Variants in SAMMSON observed in about 807,000 individuals in gnomAD.
SAMMSON encodes survival associated mitochondrial melanoma specific oncogenic non-coding RNA.
chr3:70,147,061 G>A (rs12489507), intron 4 of SAMMSON, among the ~76,000 whole-genome samples: 40,774 of 151,724 alleles, frequency 0.27, 5,758 homozygotes, highest in East Asian at 0.51. Flanking sequence ...AAAAATTACT[G>A]TTTATGATAG....
rs1420676333 is a variant in SAMMSON, at chr3:70,063,085, G to A, written n.418-8391G>A. Among the ~76,000 whole-genome samples the A allele has an allele frequency of 4.7e-5, 7 of 149,746 alleles. No individual in the cohort carries two copies. In the East Asian group the frequency reaches 1.2e-3, roughly 25 times the overall value. On this transcript the variant is annotated intron_variant and non_coding_transcript_variant, in intron 3 of 9. Transcript: ENST00000642114. ...AGGGACCCTCTTCCTTCTGTCACCAGCCCCCCCCACCCCCGCCGCATTGAC... is the reference window on the plus strand; with the variant it reads ...AGGGACCCTCTTCCTTCTGTCACCAACCCCCCCCACCCCCGCCGCATTGAC...
chr3:70,274,056 C>CGTGTGTGTGTGTGT (rs111792704), intron 6 of SAMMSON, among the ~76,000 whole-genome samples: 204 of 142,936 alleles, frequency 1.4e-3, no homozygotes, highest in Non-Finnish European at 2.4e-3. Flanking sequence ...ATTAAACCTC[C>CGTGTGTGTGTGTGT]GTGTGTGTGT....
chr3:70,405,368 A>G (rs967249126), intron 2 of SAMMSON, among the ~76,000 whole-genome samples: 2 of 152,238 alleles, frequency 1.3e-5, no homozygotes, highest in African/African-American at 4.8e-5. Context: ...TGAAATATCT[A>G]ATCACAAATT....
chr3:70,164,119 T>C (rs1164942225), intron 4 of SAMMSON, among the ~76,000 whole-genome samples: 2 of 152,074 alleles, frequency 1.3e-5, no homozygotes, highest in African/African-American at 2.4e-5. Flanking sequence ...GCCTAGTTTT[T>C]ATTATTACCA....
intron 6 of SAMMSON, among the ~76,000 whole-genome samples, chr3:70,262,009 T>C (rs1701871333): frequency 6.6e-6 from 1 of 152,158 alleles, no homozygotes; most frequent in African/African-American, 2.4e-5. Flanking sequence ...GAGTTTGATC[T>C]AACCCCAGAT....
chr3:70,290,035 C>T (rs988738754), intron 6 of SAMMSON, among the ~76,000 whole-genome samples: 5 of 151,710 alleles, frequency 3.3e-5, no homozygotes, highest in South Asian at 2.1e-4. Context: ...GTAATTTGAT[C>T]GTCTGAAGCC....
At chr3:70,263,880 C>T (rs1047759878) in intron 6 of SAMMSON, among the ~76,000 whole-genome samples, 1 of 152,072 alleles carries the variant, frequency 6.6e-6, no homozygotes, top group Admixed American at 6.6e-5. Context: ...TCCTTTCTCT[C>T]GGGGTTCACA....
chr3:70,334,808 A>G (rs779046579), intron 7 of SAMMSON, among the ~76,000 whole-genome samples: 19 of 152,136 alleles, frequency 1.2e-4, no homozygotes, highest in Admixed American at 2.6e-4. Context: ...CTTAACTACT[A>G]TACTGAACTA....
intron 9 of SAMMSON, among the ~76,000 whole-genome samples, chr3:70,388,598 A>G (rs1361048559): frequency 6.6e-6 from 1 of 152,162 alleles, no homozygotes; most frequent in Non-Finnish European, 1.5e-5. Context: ...AAGGACAGCC[A>G]TATGACTCAG....
intron 4 of SAMMSON, among the ~76,000 whole-genome samples, chr3:70,219,135 T>A (rs1701440014): frequency 6.6e-6 from 1 of 152,196 alleles, no homozygotes. Context: ...ATCACAGTCC[T>A]TGAAACAGCC....
chr3:70,070,585 G>T (rs2067225876), intron 3 of SAMMSON, among the ~76,000 whole-genome samples: 2 of 150,970 alleles, frequency 1.3e-5, no homozygotes, highest in South Asian at 4.2e-4. Context: ...GTAGAAAAAG[G>T]TTGCTAAAAA....
chr3:70,228,741 C>CTT (rs74503205), intron 4 of SAMMSON, among the ~76,000 whole-genome samples: 1 of 133,546 alleles, frequency 7.5e-6, no homozygotes, highest in African/African-American at 2.7e-5. Flanking sequence ...TTTCATGAAT[C>CTT]TTTTTTTTTT....
intron 4 of SAMMSON, among the ~76,000 whole-genome samples, chr3:70,197,868 C>T (rs979881672): frequency 3.4e-5 from 5 of 147,848 alleles, no homozygotes; most frequent in Non-Finnish European, 7.4e-5. Context: ...TCTTATCAAT[C>T]CTCTTTAAGA....
chr3:70,264,446 A>C lies in SAMMSON; in HGVS notation n.674+14776A>C, dbSNP rs1701897442. Among the ~76,000 whole-genome samples, 7 of 152,362 alleles carry C rather than the reference A, an allele frequency of 4.6e-5. No homozygotes were observed. In the South Asian group the frequency reaches 1.5e-3, roughly 32 times the overall value. ...CTAAGAACTGAATATCGGCTTGCTAATTAACAGATCACAAGGATCAATGTG... is the reference window on the plus strand; with the variant it reads ...CTAAGAACTGAATATCGGCTTGCTACTTAACAGATCACAAGGATCAATGTG... On this transcript the variant is annotated intron_variant and non_coding_transcript_variant, in intron 6 of 9. Transcript: ENST00000642114.
chr3:70,144,550 C>T (rs1010197013), intron 4 of SAMMSON, among the ~76,000 whole-genome samples: 1 of 152,068 alleles, frequency 6.6e-6, no homozygotes. Context: ...AAATGTCCTC[C>T]GAAATATACT....
intron 3 of SAMMSON, among the ~76,000 whole-genome samples, chr3:70,038,188 T>A (rs1431395295): frequency 6.6e-6 from 1 of 152,172 alleles, no homozygotes; most frequent in Non-Finnish European, 1.5e-5. Context: ...TGTTGTGTGA[T>A]AGGGTATAAT....
At position 70,180,884 on chromosome 3, in the gene SAMMSON, G is replaced by A. The variant is rs143471512; in HGVS notation, n.508-68223G>A. 2.6e-5 allele frequency among the ~76,000 whole-genome samples: 4 copies of A among 152,160 alleles called. 1 individual carries two copies. Among genetic ancestry groups the A allele is most frequent in the Admixed American group, 2.6e-4 (4 of 15,274 alleles). The stretch of plus-strand genomic sequence containing the variant: ...CCCCCTAATTTAAATTGAGGTTTCG[G>A]TGGGGAAAGAGAACAAAGCTTTAGG... On this transcript the variant is annotated intron_variant and non_coding_transcript_variant, in intron 4 of 9. Coordinates refer to ENST00000642114, the Ensembl canonical transcript of SAMMSON.
chr3:70,275,790 A>C (rs944635927), intron 6 of SAMMSON, among the ~76,000 whole-genome samples: 3 of 152,226 alleles, frequency 2.0e-5, no homozygotes, highest in Non-Finnish European at 2.9e-5. Context: ...AATAAGTGCT[A>C]TATGAGGACC....
chr3:70,017,795 C>A, intron 3 of SAMMSON, among the ~76,000 whole-genome samples: 2 of 152,062 alleles, frequency 1.3e-5, no homozygotes, highest in Admixed American at 1.3e-4. Context: ...TAGCATGAAG[C>A]GTTGTTGAAT....
Sources: allele counts gnomAD v4.1 joint callset (sites outside exome capture counted in the v4.1 genomes callset), GRCh38; gene constraint gnomAD v4.1.1; transcripts MANE v1.5; gene names NCBI Gene and HGNC (gene_info 2026-07-23, HGNC 2026-07-21).